The following ADGRE2 variants were observed in gnomAD, a reference collection of about 807,000 sequenced individuals.
ADGRE2 encodes the protein adhesion G protein-coupled receptor E2.
A neutral mutation model predicts 100.8 loss-of-function variants in ADGRE2; 83 were observed. The observed-to-expected ratio is 0.82, with a 90% CI of 0.69 to 0.99. The LOEUF (loss-of-function observed/expected upper bound fraction) is 0.99, where lower values mean the gene tolerates loss of function less well. Among genes scored for constraint, ADGRE2 ranks in the 50% least tolerant of loss-of-function variants. ADGRE2 has a pLI of 0.00. For synonymous variants in ADGRE2, 355 were observed against 413.0 expected (o/e 0.86, Z 1.70); for missense variants, 814 against 1,035.7 (o/e 0.79, Z 2.94).
At chr19:14,748,632 T>A (rs2043166122) in intron 16 of ADGRE2, among the ~76,000 whole-genome samples, 1 of 152,160 alleles carries the variant, frequency 6.6e-6, no homozygotes, top group Non-Finnish European at 1.5e-5. Context: ...TATGGCTGCA[T>A]CATGTACAAG....
At chr19:14,742,561 A>G (rs1464069265) in intron 20 of ADGRE2, among the ~76,000 whole-genome samples, 1 of 152,166 alleles carries the variant, frequency 6.6e-6, no homozygotes, top group Non-Finnish European at 1.5e-5. Flanking sequence ...TGAGTTTTGC[A>G]GTGGGTAGAG....
intron 5 of ADGRE2, among the ~76,000 whole-genome samples, chr19:14,770,002 C>A (rs1222267125): frequency 6.6e-6 from 1 of 152,160 alleles, no homozygotes; most frequent in Non-Finnish European, 1.5e-5. Flanking sequence ...CCGGCCAGTG[C>A]TGGCCTGTTT....
chr19:14,772,360 T>C lies in ADGRE2; in HGVS notation c.337A>G (p.Ser113Gly). The change falls in exon 5 of 21, where the codon AGC (serine) becomes GGC (glycine). Residue 113 changes from serine (S) to glycine (G), a missense_variant. By Grantham distance (56) the Ser-to-Gly change is moderately conservative. Transcript: ENST00000315576. ...VSGAKTFKNE[S>G]ENTCQDVDEC... Reference sequence around the variant, plus strand: ...TTCTTACCTTGACACGTGTTCTCGCTCTCATTCTTGAATGTTTTTGCCCCA... The same window carrying C: ...TTCTTACCTTGACACGTGTTCTCGCCCTCATTCTTGAATGTTTTTGCCCCA... The C allele has an allele frequency of 6.2e-7, 1 of 1,614,110 alleles. No homozygotes were observed. The highest frequency in any genetic ancestry group is 8.5e-7 in the Non-Finnish European group (1 of 1,180,020).
In ADGRE2 at chr19:14,774,024, G is replaced by A. The variant is rs2044322960; in HGVS notation, c.113C>T (p.Ser38Leu). The A allele has an allele frequency of 4.3e-6, 7 of 1,613,886 alleles. No homozygotes were observed. The Middle Eastern group carries it at 4.9e-4, about 114-fold the overall frequency. ...GCARWCPQDS[S>L]CVNATACRCN... ...GCGACAGGCGGTGGCATTGACACAC[G>A]AGGAGTCCTGAGGGCACCACCGGGC... Residue 38 changes from serine to leucine, a missense_variant, in exon 4 of 21, where the codon TCG becomes TTG. Ser to Leu is a moderately radical substitution (Grantham distance 145). This residue lies in a region of ADGRE2 where 143 missense variants were observed against 160.3 expected (regional missense o/e 0.89). Transcript: ENST00000315576.
At position 14,733,329 on chromosome 19, in the gene ADGRE2, G is replaced by A. The variant is rs1286636947; in HGVS notation, c.*2907C>T. 6.6e-6 allele frequency: 1 copy of A among 151,994 alleles called. No homozygotes were observed. Among genetic ancestry groups the A allele is most frequent in the Non-Finnish European group, 1.5e-5 (1 of 68,006 alleles). The allele number at this position is 151,994 out of a possible 1,614,324, so 9.4% of individuals were successfully genotyped here. The stretch of plus-strand genomic sequence containing the variant: ...GAAATTACTTTTTTAAAAACTATAA[G>A]CAGCCAAAAAAAGCAGACAGTAAAA... On this transcript the variant is annotated 3_prime_UTR_variant, in exon 21 of 21. Coordinates refer to ENST00000315576, the MANE Select transcript of ADGRE2 (RefSeq NM_013447.4).
Position 14,735,585 on chromosome 19 carries a change from A to G in ADGRE2, c.*651T>C, listed in dbSNP as rs1311513632. 1.3e-5 allele frequency: 2 copies of G among 152,224 alleles called. No homozygotes were observed. Among genetic ancestry groups the G allele is most frequent in the East Asian group, 3.8e-4 (2 of 5,204 alleles). 9.4% of individuals were successfully genotyped at this position (152,224 alleles called of 1,614,324 possible). A position where few individuals can be genotyped will look rare whatever the true frequency, so the allele number is the denominator to read the frequency against. ...AAGACGAAAGAAGACAGTGTTTATA[A>G]AATAGTTTATACTTCAATTGCCTAG... On this transcript the variant is annotated 3_prime_UTR_variant, in exon 21 of 21. Coordinates refer to ENST00000315576, the MANE Select transcript of ADGRE2 (RefSeq NM_013447.4).
rs759637864 is a variant in ADGRE2, at chr19:14,743,737, G to C, written c.2231C>G (p.Thr744Arg). Residue 744 changes from threonine (T) to arginine (R), a missense_variant, in exon 19 of 21, where the codon ACG becomes AGG. By Grantham distance (71) the Thr-to-Arg change is moderately conservative. Coordinates refer to ENST00000315576, the MANE Select transcript of ADGRE2 (RefSeq NM_013447.4). ...CACCTGCAAGATGCCCAGACACCAC[G>C]TGCAGCCCAGGATGAACAGCTGAGC... The part of the protein sequence containing the change: ...ATAQLFILGC[T>R]WCLGILQVGP... The C allele has an allele frequency of 6.2e-7, 1 of 1,614,176 alleles. No individual in the cohort carries two copies. Among genetic ancestry groups the C allele is most frequent in the Admixed American group, 1.7e-5 (1 of 60,020 alleles).
At chr19:14,768,201 T>C (rs567653099) in intron 5 of ADGRE2, among the ~76,000 whole-genome samples, 14 of 149,790 alleles carry the variant, frequency 9.3e-5, no homozygotes, top group African/African-American at 3.6e-4. Flanking sequence ...TCCAGGCACA[T>C]GGACCAAGAC....
intron 2 of ADGRE2, 91 bp from the exon 3 acceptor site, chr19:14,774,397 A>G: frequency 6.7e-7 from 1 of 1,483,200 alleles, no homozygotes; most frequent in Non-Finnish European, 9.2e-7. Flanking sequence ...GAGGATGCTG[A>G]CCCCTCTCAG....
chr19:14,765,208 C>T (rs2043909908), intron 10 of ADGRE2, 112 bp downstream of exon 10: 1 of 1,086,946 alleles, frequency 9.2e-7, no homozygotes, highest in East Asian at 2.4e-5. Flanking sequence ...GGGAGTCAGA[C>T]CAGCACCCAC....
chr19:14,727,287 C>T, the ADGRE2 span, among the ~76,000 whole-genome samples: 1 of 152,134 alleles, frequency 6.6e-6, no homozygotes, highest in African/African-American at 2.4e-5. Context: ...CTTGGCCTCC[C>T]AAAATGCTGG....
At chr19:14,737,986 A>AG (rs1254995262) in intron 20 of ADGRE2, among the ~76,000 whole-genome samples, 1 of 151,988 alleles carries the variant, frequency 6.6e-6, no homozygotes, top group Non-Finnish European at 1.5e-5. Flanking sequence ...CAAAAAAAAA[A>AG]AAAAAAGTTG....
At chr19:14,727,279 T>C in the ADGRE2 span, among the ~76,000 whole-genome samples, 10 of 152,208 alleles carry the variant, frequency 6.6e-5, no homozygotes, top group East Asian at 5.8e-4. Flanking sequence ...CCGCCCGCCT[T>C]GGCCTCCCAA....
chr19:14,761,321 G>T (rs556001102), intron 11 of ADGRE2, among the ~76,000 whole-genome samples: 1 of 152,086 alleles, frequency 6.6e-6, no homozygotes, highest in Non-Finnish European at 1.5e-5. Context: ...CAGGAGAATC[G>T]CTTGAACCCG....
rs369566133 is a variant in ADGRE2, at chr19:14,745,204, C to T, written c.2183+1028G>A. 4.6e-5 allele frequency among the ~76,000 whole-genome samples: 7 copies of T among 152,282 alleles called. No homozygotes were observed. The East Asian group carries it at 9.6e-4, about 21-fold the overall frequency. On this transcript the variant is annotated intron_variant, in intron 18 of 20. Coordinates refer to ENST00000315576, the MANE Select transcript of ADGRE2 (RefSeq NM_013447.4). The stretch of plus-strand genomic sequence containing the variant: ...GGATTACAGGCATGAGCCACCATGC[C>T]CGGCCTTCTTTGTGCTTTTGTTATA...
At chr19:14,772,577 A>G (rs916147645) in intron 4 of ADGRE2, 80 bp from the exon 5 acceptor site, 6 of 1,508,186 alleles carry the variant, frequency 4.0e-6, no homozygotes, top group South Asian at 2.3e-5. Context: ...TGACTCCCCA[A>G]CATGGGGCCT....
intron 20 of ADGRE2, 28 bp from the exon 21 acceptor site, chr19:14,736,272 T>C: frequency 1.4e-6 from 2 of 1,452,004 alleles, no homozygotes; most frequent in Non-Finnish European, 1.9e-6. Flanking sequence ...GTATGTATTT[T>C]GTTGTTGAGA....
intron 16 of ADGRE2, among the ~76,000 whole-genome samples, chr19:14,747,491 C>T (rs114567838): frequency 0.031 from 4,634 of 151,926 alleles, 265 homozygotes; most frequent in African/African-American, 0.11. Context: ...CAGAGCAAGA[C>T]CTATATTGCA....
chr19:14,738,265 G>T (rs1273655150), intron 20 of ADGRE2, among the ~76,000 whole-genome samples: 1 of 152,190 alleles, frequency 6.6e-6, no homozygotes, highest in Non-Finnish European at 1.5e-5. Context: ...TCCAGGGTTT[G>T]TGTAATGTTG....
Sources: allele counts gnomAD v4.1 joint callset (sites outside exome capture counted in the v4.1 genomes callset), GRCh38; gene constraint gnomAD v4.1.1; regional missense constraint gnomAD v4.1.1; transcripts MANE v1.5; gene names NCBI Gene and HGNC (gene_info 2026-07-23, HGNC 2026-07-21).